The following SESN3 variants were observed in gnomAD, a reference collection of about 807,000 sequenced individuals.
SESN3 encodes the protein sestrin 3.
Under a neutral mutation model 55.3 loss-of-function variants are expected in SESN3, and 21 were observed. That is an observed-to-expected ratio of 0.38 (90% CI 0.27 to 0.55). SESN3 has a LOEUF of 0.55. Ranked by LOEUF, SESN3 falls within the 20% of genes least tolerant of loss-of-function variation. The pLI is 0.76. For missense variants in SESN3, 408 were observed against 604.3 expected (o/e 0.68, Z 3.41); for synonymous variants, 181 against 203.1 (o/e 0.89, Z 0.93).
intron 6 of SESN3, among the ~76,000 whole-genome samples, chr11:95,181,345 C>T (rs1398743890): frequency 6.6e-6 from 1 of 152,060 alleles, no homozygotes; most frequent in Non-Finnish European, 1.5e-5. Flanking sequence ...CAATTAACAC[C>T]TGTTTCCTAG....
At chr11:95,213,889 C>T (rs1406830327) in intron 1 of SESN3, among the ~76,000 whole-genome samples, 5 of 151,322 alleles carry the variant, frequency 3.3e-5, no homozygotes, top group Admixed American at 6.6e-5. Context: ...AGAAGGAATT[C>T]GGTAACATTT....
At chr11:95,194,204 T>A (rs960799187) in intron 1 of SESN3, among the ~76,000 whole-genome samples, 1 of 152,004 alleles carries the variant, frequency 6.6e-6, no homozygotes, top group Non-Finnish European at 1.5e-5. Flanking sequence ...GTATCCTCAT[T>A]AAGTGCGATA....
In SESN3 at chr11:95,173,115, A is replaced by AAAC. The variant is rs1203270271; in HGVS notation, c.*137_*139dup. ...CATCATTGCACATTACAGCCGCAAA[A>AAAC]AACAAAAAAAAAAAAACAAACGGCT... On this transcript the variant is annotated 3_prime_UTR_variant, in exon 10 of 10. Coordinates refer to ENST00000536441, the MANE Select transcript of SESN3 (RefSeq NM_144665.4). 79 of 507,780 alleles carry AAAC rather than the reference A, an allele frequency of 1.6e-4. No homozygotes were observed. Among genetic ancestry groups the AAAC allele is most frequent in the Admixed American group, 2.1e-4 (7 of 32,760 alleles). 31.5% of individuals were successfully genotyped at this position (507,780 alleles called of 1,614,324 possible). A position where few individuals can be genotyped will look rare whatever the true frequency, so the allele number is the denominator to read the frequency against.
At chr11:95,179,464 T>A (rs1052998429) in intron 6 of SESN3, among the ~76,000 whole-genome samples, 11 of 152,038 alleles carry the variant, frequency 7.2e-5, no homozygotes, top group Admixed American at 7.2e-4. Context: ...CTCCAGGGGA[T>A]GAAGTGGGAT....
At chr11:95,196,275 T>C (rs1301524103) in intron 1 of SESN3, among the ~76,000 whole-genome samples, 1 of 152,206 alleles carries the variant, frequency 6.6e-6, no homozygotes, top group Non-Finnish European at 1.5e-5. Flanking sequence ...CTCAGTTGGC[T>C]GCTCTGTCTA....
At position 95,226,754 on chromosome 11, in the gene SESN3, T is replaced by C. The variant is rs561607134; in HGVS notation, c.78+4029A>G. 3.3e-5 allele frequency among the ~76,000 whole-genome samples: 5 copies of C among 152,318 alleles called. No individual in the cohort carries two copies. The South Asian group carries it at 1.0e-3, about 32-fold the overall frequency. ...GACCTGCACAAGAATAATTTTGTAA[T>C]GAAAGATAATGGTGTTAGACTCCAG... On this transcript the variant is annotated intron_variant, in intron 1 of 9. Coordinates refer to ENST00000536441, the MANE Select transcript of SESN3 (RefSeq NM_144665.4).
intron 8 of SESN3, among the ~76,000 whole-genome samples, chr11:95,177,137 C>G (rs1289927895): frequency 6.6e-6 from 1 of 152,212 alleles, no homozygotes; most frequent in East Asian, 1.9e-4. Flanking sequence ...GGCACATTCT[C>G]CAAAAAGTGC....
intron 1 of SESN3, among the ~76,000 whole-genome samples, chr11:95,194,190 TTTAGTATCCTCA>T (rs1437287774): frequency 5.2e-4 from 79 of 152,178 alleles, no homozygotes; most frequent in African/African-American, 1.9e-3. Flanking sequence ...TGAAAAATAT[TTTAGTATCCTCA>T]TTAAGTGCGA....
intron 1 of SESN3, among the ~76,000 whole-genome samples, chr11:95,197,434 C>CCTTTT (rs1392984631): frequency 4.0e-5 from 6 of 148,220 alleles, no homozygotes; most frequent in African/African-American, 7.4e-5. Context: ...TTTTGGGCTT[C>CCTTTT]CTTTTCTTTT....
chr11:95,227,670 G>C (rs934860429), intron 1 of SESN3, among the ~76,000 whole-genome samples: 1 of 152,110 alleles, frequency 6.6e-6, no homozygotes, highest in Non-Finnish European at 1.5e-5. Context: ...ATCCTCTAAA[G>C]AGCACAAAAC....
chr11:95,182,328 CA>C (rs1860072399), intron 6 of SESN3, among the ~76,000 whole-genome samples: 1 of 152,094 alleles, frequency 6.6e-6, no homozygotes, highest in African/African-American at 2.4e-5. Context: ...ATCATAGAGT[CA>C]TTATTTTCCT....
At chr11:95,182,084 A>G in intron 6 of SESN3, 2 of 287,398 alleles carry the variant, frequency 7.0e-6, no homozygotes, top group South Asian at 6.4e-5. Context: ...CTTTCTAGTC[A>G]AAATTCACTT....
intron 8 of SESN3, among the ~76,000 whole-genome samples, chr11:95,176,405 G>GT (rs1428012717): frequency 1.3e-5 from 2 of 152,216 alleles, no homozygotes; most frequent in Non-Finnish European, 2.9e-5. Flanking sequence ...AATTAAGTGT[G>GT]TTTCAATGCT....
At chr11:95,174,796 G>T (rs1250471508) in intron 9 of SESN3, among the ~76,000 whole-genome samples, 1 of 151,916 alleles carries the variant, frequency 6.6e-6, no homozygotes, top group Non-Finnish European at 1.5e-5. Flanking sequence ...CACTATCTGG[G>T]TTTTTAAAAT....
At position 95,168,042 on chromosome 11, in the gene SESN3, T is replaced by G. The variant is rs547407198; in HGVS notation, c.*5213A>C. 4 of 152,322 alleles carry G rather than the reference T, an allele frequency of 2.6e-5. No individual in the cohort carries two copies. The highest frequency in any genetic ancestry group is 7.2e-5 in the African/African-American group (3 of 41,570). The allele number at this position is 152,322 out of a possible 1,614,324, so 9.4% of individuals were successfully genotyped here. On this transcript the variant is annotated 3_prime_UTR_variant, in exon 10 of 10. Coordinates refer to ENST00000536441, the MANE Select transcript of SESN3 (RefSeq NM_144665.4). Reference sequence around the variant, plus strand: ...CCAGGAAAGCCTGGTTAAACCCTTATGTACCCAATTTTGTGTTATTTTATC... The same window carrying G: ...CCAGGAAAGCCTGGTTAAACCCTTAGGTACCCAATTTTGTGTTATTTTATC...
rs1331875185 is a variant in SESN3, at chr11:95,171,950, T to A, written c.*1305A>T. 2 of 152,176 alleles carry A rather than the reference T, an allele frequency of 1.3e-5. No homozygotes were observed. The highest frequency in any genetic ancestry group is 4.8e-5 in the African/African-American group (2 of 41,462). 9.4% of individuals were successfully genotyped at this position (152,176 alleles called of 1,614,324 possible). On this transcript the variant is annotated 3_prime_UTR_variant, in exon 10 of 10. Transcript: ENST00000536441. ...CTCCCCTATGACTTAATAACGTTTTTAAACCAGTTGTCCAAGGAGATTTTT... is the reference window on the plus strand; with the variant it reads ...CTCCCCTATGACTTAATAACGTTTTAAAACCAGTTGTCCAAGGAGATTTTT...
At chr11:95,199,632 G>A (rs1417573489) in intron 1 of SESN3, among the ~76,000 whole-genome samples, 1 of 151,932 alleles carries the variant, frequency 6.6e-6, no homozygotes, top group African/African-American at 2.4e-5. Context: ...CCCCTAAAAA[G>A]ACTGACTTCC....
chr11:95,222,844 G>A (rs1374039455), intron 1 of SESN3, among the ~76,000 whole-genome samples: 1 of 152,148 alleles, frequency 6.6e-6, no homozygotes, highest in South Asian at 2.1e-4. Context: ...ACAGGTTTAG[G>A]TTATATAGGA....
intron 1 of SESN3, among the ~76,000 whole-genome samples, chr11:95,200,030 C>T (rs1388754526): frequency 6.6e-6 from 1 of 151,802 alleles, no homozygotes. Flanking sequence ...AACACATGCC[C>T]CAAACAAAAT....
Sources: gnomAD v4.1 joint callset for allele counts (sites outside exome capture counted in the v4.1 genomes callset) on GRCh38, gnomAD v4.1.1 for gene constraint, MANE v1.5 for transcripts, NCBI Gene and HGNC (gene_info 2026-07-23, HGNC 2026-07-21) for gene names.